Variants in POU6F1 observed in about 807,000 individuals in gnomAD.
The protein encoded by POU6F1 is POU class 6 homeobox 1.
In POU6F1, 9 loss-of-function variants were observed where a neutral mutation model predicts 28.9. The ratio of observed to expected loss-of-function variants is 0.31; its 90% CI spans 0.19 to 0.54. The LOEUF (loss-of-function observed/expected upper bound fraction) is 0.54. Ranked by LOEUF, POU6F1 falls within the 20% of genes least tolerant of loss-of-function variation. The probability of loss-of-function intolerance (pLI) is 0.94; values close to 1 mark genes in which losing one functional copy is unlikely to be tolerated. For missense variants in POU6F1, 338 were observed against 426.1 expected (o/e 0.79, Z 1.82); for synonymous variants, 173 against 171.1 (o/e 1.01, Z -0.09).
At chr12:51,195,706 C>T (rs1296710155) in intron 8 of POU6F1, among the ~76,000 whole-genome samples, 1 of 152,102 alleles carries the variant, frequency 6.6e-6, no homozygotes, top group Non-Finnish European at 1.5e-5. Flanking sequence ...ACCTCCCTGA[C>T]CTTCTTAGAA....
chr12:51,205,104 T>G, intron 2 of POU6F1, among the ~76,000 whole-genome samples: 1 of 141,328 alleles, frequency 7.1e-6, no homozygotes, highest in East Asian at 2.3e-4. Context: ...AGTGGCGCAA[T>G]CTCGGCTCAC....
At chr12:51,215,919 G>A (rs1944264576) in intron 1 of POU6F1, among the ~76,000 whole-genome samples, 2 of 152,310 alleles carry the variant, frequency 1.3e-5, no homozygotes, top group South Asian at 4.1e-4. Context: ...ACAGGGCCTA[G>A]CATGAAGCAA....
In POU6F1 at chr12:51,217,892, GGA is replaced by G; in HGVS notation, c.-300_-299del. ...GGGGGCTCCGCAGGCTAAGCCGGGC[GGA>G]GAGGGGACGGCCGGGAAGCGGGAAG... On this transcript the variant is annotated 5_prime_UTR_variant, in exon 1 of 11. Transcript: ENST00000333640. This position sits in a 1 kb window ranked among gnomAD's most constrained non-coding sequence, Gnocchi z 5.3. Among the ~76,000 whole-genome samples the G allele has an allele frequency of 6.6e-6, 1 of 152,084 alleles. No individual in the cohort carries two copies. The highest frequency in any genetic ancestry group is 2.0e-4 in the East Asian group (1 of 5,122).
chr12:51,210,539 G>A (rs1012080153), intron 1 of POU6F1, among the ~76,000 whole-genome samples: 7 of 152,084 alleles, frequency 4.6e-5, no homozygotes, highest in Non-Finnish European at 1.0e-4. Flanking sequence ...TGCCAACTAT[G>A]GCCACTCACA....
At chr12:51,214,485 A>G (rs1944186696) in intron 1 of POU6F1, among the ~76,000 whole-genome samples, 1 of 152,166 alleles carries the variant, frequency 6.6e-6, no homozygotes, top group African/African-American at 2.4e-5. Context: ...CTCAGGACAC[A>G]CTGGAAAACA....
At position 51,196,871 on chromosome 12, in the gene POU6F1, A is replaced by T; in HGVS notation, c.903T>A (p.Ala301=). The T allele has an allele frequency of 6.2e-7, 1 of 1,613,878 alleles. No individual in the cohort carries two copies. Among genetic ancestry groups the T allele is most frequent in the Non-Finnish European group, 8.5e-7 (1 of 1,179,826 alleles). Residue 301 remains alanine (A), a synonymous_variant, in exon 7 of 11, where the codon GCT becomes GCA. Coordinates refer to ENST00000333640, the MANE Select transcript of POU6F1 (RefSeq NM_001330422.2). Reference sequence around the variant, plus strand: ...TGGGAATGGCGCTGGTAATGACTGGAGCTGTAGTGAGGGACCCCAGGATCT... The same window carrying T: ...TGGGAATGGCGCTGGTAATGACTGGTGCTGTAGTGAGGGACCCCAGGATCT... The part of the protein sequence containing the change: ...QTQILGSLTT[A]PVITSAIPSM...
At chr12:51,204,462 C>A in intron 2 of POU6F1, 94 bp from the exon 3 acceptor site, 1 of 397,818 alleles carries the variant, frequency 2.5e-6, no homozygotes, top group Non-Finnish European at 4.4e-6. Flanking sequence ...GAGGGGAGGG[C>A]ACCTCTGGAT....
chr12:51,191,631 C>T lies in POU6F1; in HGVS notation c.1455G>A (p.Thr485=), dbSNP rs745887483. 2.0e-5 allele frequency: 32 copies of T among 1,613,792 alleles called. No individual in the cohort carries two copies. The highest frequency in any genetic ancestry group is 2.7e-5 in the African/African-American group (2 of 74,926). ...QTQVGQALTA[T]EGPAYSQSAI... ...CTGACTGGCTGTAGGCTGGACCTTC[C>T]GTTGCAGTCAGAGCCTGACCCACCT... is the stretch of plus-strand genomic sequence containing the variant. Residue 485 remains threonine (T), a synonymous_variant, in exon 10 of 11, where the codon ACG becomes ACA. Coordinates refer to ENST00000333640, the MANE Select transcript of POU6F1 (RefSeq NM_001330422.2).
chr12:51,197,922 T>A lies in POU6F1; in HGVS notation c.694A>T (p.Thr232Ser). The part of the protein sequence containing the change: ...AQPRPPAQPQ[T>S]LFQTQPLLQT... Reference sequence around the variant, plus strand: ...AGCAGCGGCTGGGTCTGGAACAGCGTCTGGGGCTGGGCTGGTGGCCGGGGT... The same window carrying A: ...AGCAGCGGCTGGGTCTGGAACAGCGACTGGGGCTGGGCTGGTGGCCGGGGT... Residue 232 changes from threonine (T) to serine (S), a missense_variant, in exon 6 of 11, where the codon ACG (threonine) becomes TCG (serine). Around this residue, in one of 3 missense-constraint regions of POU6F1, gnomAD observed 206 missense variants for 225.6 expected, o/e 0.91. Coordinates refer to ENST00000333640, the MANE Select transcript of POU6F1 (RefSeq NM_001330422.2). 2.5e-6 allele frequency: 1 copy of A among 404,264 alleles called. No homozygotes were observed. 25.0% of individuals were successfully genotyped at this position (404,264 alleles called of 1,614,324 possible).
intron 1 of POU6F1, among the ~76,000 whole-genome samples, chr12:51,209,226 T>C (rs1028321833): frequency 6.6e-6 from 1 of 152,232 alleles, no homozygotes; most frequent in Non-Finnish European, 1.5e-5. Context: ...CCATCACCAC[T>C]GTCTAGTCCC....
Position 51,196,132 on chromosome 12 carries a change from C to A in POU6F1, c.1017G>T (p.Val339=), listed in dbSNP as rs181238666. ...TLPWVVNSAS[V]AAPAPAQSLQ... ...GGCTTTGGGCTGGTGCTGGGGCCGC[C>A]ACACTAGCTGAGTTCACTACCCATG... is the stretch of plus-strand genomic sequence containing the variant. Residue 339 remains valine (V), a synonymous_variant, in exon 8 of 11, where the codon GTG becomes GTT. Coordinates refer to ENST00000333640, the MANE Select transcript of POU6F1 (RefSeq NM_001330422.2). The A allele has an allele frequency of 1.0e-4, 163 of 1,571,322 alleles. No homozygotes were observed. The East Asian group carries it at 3.5e-3, about 34-fold the overall frequency.
chr12:51,191,717 T>A lies in POU6F1; in HGVS notation c.1369A>T (p.Ile457Phe). ...LDEDGINLEE[I>F]REFAKNFKIR... is the part of the protein sequence containing the mutation. ...TTAAAGTTCTTGGCAAACTCCCGGATCTCTTCTAAGTTGATCCCATCCTCA... is the reference window on the plus strand; with the variant it reads ...TTAAAGTTCTTGGCAAACTCCCGGAACTCTTCTAAGTTGATCCCATCCTCA... Residue 457 changes from isoleucine to phenylalanine, a missense_variant, in exon 10 of 11, where the codon ATC (isoleucine) becomes TTC (phenylalanine). By Grantham distance (21) the Ile-to-Phe change is conservative. Transcript: ENST00000333640. 6.2e-7 allele frequency: 1 copy of A among 1,614,166 alleles called. No homozygotes were observed. Among genetic ancestry groups the A allele is most frequent in the Non-Finnish European group, 8.5e-7 (1 of 1,180,028 alleles).
intron 5 of POU6F1, 58 bp downstream of exon 5, chr12:51,198,492 G>A: frequency 2.5e-6 from 1 of 399,258 alleles, no homozygotes; most frequent in Non-Finnish European, 4.4e-6. Context: ...AAGCACACGT[G>A]CGGGGGTGTA....
rs1437198733 is a variant in POU6F1, at chr12:51,187,148, C to G, written c.*3099G>C. ...TCCAAGAACACAAAAATGTCAGAGT[C>G]TCGCATTCCAAACTCGTGTGTTCCT... On this transcript the variant is annotated 3_prime_UTR_variant, in exon 11 of 11. Transcript: ENST00000333640. 6.6e-6 allele frequency: 1 copy of G among 152,196 alleles called. No homozygotes were observed. The highest frequency in any genetic ancestry group is 2.4e-5 in the African/African-American group (1 of 41,454). The allele number at this position is 152,196 out of a possible 1,614,324, so 9.4% of individuals were successfully genotyped here.
intron 1 of POU6F1, among the ~76,000 whole-genome samples, chr12:51,211,706 T>A (rs1257053139): frequency 2.0e-5 from 3 of 152,116 alleles, no homozygotes; most frequent in Non-Finnish European, 4.4e-5. Context: ...TGAGTCGTGA[T>A]CACGCCACTA....
intron 8 of POU6F1, 33 bp downstream of exon 8, chr12:51,195,937 T>TGGGGGGGGGGGGG: frequency 1.1e-6 from 1 of 945,500 alleles, no homozygotes; most frequent in Non-Finnish European, 1.6e-6. Context: ...TAGCAGAGCC[T>TGGGGGGGGGGGGG]GCCCCACCCC....
intron 8 of POU6F1, among the ~76,000 whole-genome samples, chr12:51,194,193 A>G (rs1385824220): frequency 6.6e-6 from 1 of 151,972 alleles, no homozygotes; most frequent in African/African-American, 2.4e-5. Flanking sequence ...CACCTGGCTA[A>G]TTTTTGTATT....
intron 1 of POU6F1, among the ~76,000 whole-genome samples, chr12:51,209,716 C>T (rs1034862805): frequency 1.1e-4 from 17 of 152,180 alleles, no homozygotes; most frequent in Non-Finnish European, 7.4e-5. Flanking sequence ...CCTGATCAAC[C>T]AGGTAAGGAG....
rs191220644 is a variant in POU6F1, at chr12:51,192,737, T to C, written c.1180-266A>G. The stretch of plus-strand genomic sequence containing the variant: ...CTGGGCAATGTGGCAAAACCCTGTC[T>C]CTACTAAAAATACAAAAATTAGCTG... On this transcript the variant is annotated intron_variant, in intron 8 of 10. Transcript: ENST00000333640. Among the ~76,000 whole-genome samples the C allele has an allele frequency of 8.5e-5, 13 of 152,164 alleles. No individual in the cohort carries two copies. The East Asian group carries it at 2.3e-3, about 27-fold the overall frequency.
Sources: gnomAD v4.1 joint callset for allele counts (sites outside exome capture counted in the v4.1 genomes callset) on GRCh38, gnomAD v4.1.1 for gene constraint, gnomAD v4.1.1 regional missense constraint, Gnocchi (gnomAD v3.1) non-coding constraint, MANE v1.5 for transcripts, NCBI Gene and HGNC (gene_info 2026-07-23, HGNC 2026-07-21) for gene names.